CASP10: variants seen among roughly 807,000 people sequenced by gnomAD.
CASP10 encodes caspase-10.
In CASP10, 41 loss-of-function variants were observed where a neutral mutation model predicts 48.5. That is an observed-to-expected ratio of 0.85 (90% CI 0.66 to 1.10). The LOEUF (loss-of-function observed/expected upper bound fraction) is 1.10. Among genes scored for constraint, CASP10 ranks in the 50% least tolerant of loss-of-function variants. The probability of loss-of-function intolerance (pLI) is 0.00; values close to 1 mark genes in which losing one functional copy is unlikely to be tolerated. For synonymous variants in CASP10, 232 were observed against 238.4 expected (o/e 0.97, Z 0.25); for missense variants, 614 against 614.5 (o/e 1.00, Z 0.01).
chr2:201,224,127 A>G (rs1043311401), downstream of CASP10, among the ~76,000 whole-genome samples: 1 of 151,894 alleles, frequency 6.6e-6, no homozygotes, highest in Non-Finnish European at 1.5e-5. Context: ...GCCCGCTACC[A>G]CGCCCAGCTA....
chr2:201,223,194 T>C (rs1309946769), downstream of CASP10, among the ~76,000 whole-genome samples: 3 of 152,222 alleles, frequency 2.0e-5, no homozygotes, highest in African/African-American at 7.2e-5. Flanking sequence ...CTTGGACCTT[T>C]TAATGTAGTG....
chr2:201,195,716 T>A, intron 4 of CASP10, 126 bp from the exon 5 acceptor site: 1 of 756,932 alleles, frequency 1.3e-6, no homozygotes, highest in Non-Finnish European at 2.4e-6. Context: ...TCCTACTCTG[T>A]CCCCAGGCTG....
intron 9 of CASP10, among the ~76,000 whole-genome samples, chr2:201,217,148 A>G (rs1316899404): frequency 6.6e-6 from 1 of 152,188 alleles, no homozygotes; most frequent in Admixed American, 6.5e-5. Context: ...AAGACTACAG[A>G]TAGAGAGGGC....
At chr2:201,228,351 T>C (rs62191503) in intron 9 of CASP10, among the ~76,000 whole-genome samples, 1 of 151,888 alleles carries the variant, frequency 6.6e-6, no homozygotes, top group Non-Finnish European at 1.5e-5. Context: ...AAAAAAAAAT[T>C]CCTTAGAAAC....
intron 4 of CASP10, 121 bp downstream of exon 4, chr2:201,193,240 C>A: frequency 9.8e-7 from 1 of 1,016,530 alleles, no homozygotes; most frequent in Non-Finnish European, 1.5e-6. Flanking sequence ...GTCTCACTCA[C>A]TCTGTCACCC....
At chr2:201,186,194 A>G in intron 2 of CASP10, 70 bp downstream of exon 2, 18 of 1,150,354 alleles carry the variant, frequency 1.6e-5, no homozygotes, top group Non-Finnish European at 2.3e-5. Flanking sequence ...TTGGGCTTTG[A>G]AAGGAAGCTG....
At chr2:201,193,333 G>A (rs1196492323) in intron 4 of CASP10, 9 of 422,650 alleles carry the variant, frequency 2.1e-5, no homozygotes, top group African/African-American at 8.2e-5. Flanking sequence ...TCAACCTCCC[G>A]AGTAGCTGGG....
chr2:201,192,068 G>A (rs1944630422), intron 3 of CASP10, among the ~76,000 whole-genome samples: 2 of 152,050 alleles, frequency 1.3e-5, no homozygotes, highest in Non-Finnish European at 2.9e-5. Flanking sequence ...TCACATCTTA[G>A]CCCTTTATTC....
intron 9 of CASP10, 131 bp from the exon 10 acceptor site, chr2:201,217,457 G>C: frequency 3.0e-6 from 2 of 659,234 alleles, no homozygotes; most frequent in South Asian, 1.5e-5. Flanking sequence ...TACTCGGGAG[G>C]CTGAGGCATG....
intron 2 of CASP10, 59 bp from the exon 3 acceptor site, chr2:201,187,647 G>A (rs1944459926): frequency 3.4e-6 from 4 of 1,177,946 alleles, no homozygotes; most frequent in Non-Finnish European, 5.1e-6. Flanking sequence ...GCACTTGATT[G>A]ATTATGGTGT....
At chr2:201,228,874 T>C in intron 9 of CASP10, 1 of 1,532,936 alleles carries the variant, frequency 6.5e-7, no homozygotes, top group Admixed American at 1.8e-5. Context: ...CTCCAGGTCC[T>C]TGTGTGTGAA....
downstream of CASP10, among the ~76,000 whole-genome samples, chr2:201,224,500 T>A (rs898819886): frequency 1.3e-5 from 2 of 152,234 alleles, no homozygotes; most frequent in African/African-American, 4.8e-5. Context: ...AATATTTTTA[T>A]AAAGATATTT....
chr2:201,184,098 GT>G (rs961402082), intron 1 of CASP10, among the ~76,000 whole-genome samples: 1 of 150,700 alleles, frequency 6.6e-6, no homozygotes, highest in African/African-American at 2.5e-5. Context: ...GTTTCACCGT[GT>G]TGCCCAGGCT....
At chr2:201,216,876 A>G (rs1945586810) in intron 9 of CASP10, among the ~76,000 whole-genome samples, 1 of 152,172 alleles carries the variant, frequency 6.6e-6, no homozygotes. Context: ...GCCTACCCTG[A>G]GAACGTTCTG....
chr2:201,228,830 C>A, intron 9 of CASP10: 1 of 902,798 alleles, frequency 1.1e-6, no homozygotes, highest in Non-Finnish European at 1.8e-6. Context: ...GAAAGTACAG[C>A]TGCCCATAAA....
intron 5 of CASP10, chr2:201,200,578 G>C: frequency 6.3e-7 from 1 of 1,578,342 alleles, no homozygotes; most frequent in Non-Finnish European, 8.5e-7. Context: ...ACACAGAGCC[G>C]GGAGAGGCCT....
In CASP10 at chr2:201,218,468, C is replaced by CTT; in HGVS notation, c.*731_*732dup. On this transcript the variant is annotated 3_prime_UTR_variant, in exon 10 of 10. Transcript: ENST00000286186. Reference sequence around the variant, plus strand: ...CAGGTGTGTGTCCATGCACAGCTAACTTTTTATTTTTTTTGTGGAGATGGG... The same window carrying CTT: ...CAGGTGTGTGTCCATGCACAGCTAACTTTTTTTATTTTTTTTGTGGAGATGGG... 1 of 691,852 alleles carries CTT rather than the reference C, an allele frequency of 1.4e-6. No individual in the cohort carries two copies. Among genetic ancestry groups the CTT allele is most frequent in the Non-Finnish European group, 1.8e-6 (1 of 562,960 alleles). The allele number at this position is 691,852 out of a possible 1,614,324, so 42.9% of individuals were successfully genotyped here.
chr2:201,219,777 C>G lies in CASP10; in HGVS notation c.*2036C>G. On this transcript the variant is annotated 3_prime_UTR_variant, in exon 10 of 10. Transcript: ENST00000286186. ...AATTCCTGGAACTGTATTTTGAATC[C>G]TTAAAGGTGAGCCCTCATAGGGAGA... is the stretch of plus-strand genomic sequence containing the variant. 4 of 980,422 alleles carry G rather than the reference C, an allele frequency of 4.1e-6. No homozygotes were observed. Among genetic ancestry groups the G allele is most frequent in the Non-Finnish European group, 4.8e-6 (4 of 829,322 alleles). The allele number at this position is 980,422 out of a possible 1,614,324, so 60.7% of individuals were successfully genotyped here. A position where few individuals can be genotyped will look rare whatever the true frequency, so the allele number is the denominator to read the frequency against.
chr2:201,196,171 T>C (rs1202420450), intron 5 of CASP10, among the ~76,000 whole-genome samples: 1 of 152,198 alleles, frequency 6.6e-6, no homozygotes, highest in Non-Finnish European at 1.5e-5. Context: ...TAGTGAGAGC[T>C]AGTTAGTTTG....
Sources: allele counts gnomAD v4.1 joint callset (sites outside exome capture counted in the v4.1 genomes callset), GRCh38; gene constraint gnomAD v4.1.1; transcripts MANE v1.5; gene names NCBI Gene and HGNC (gene_info 2026-07-23, HGNC 2026-07-21).